Variants in OR3A2 observed in about 807,000 individuals in gnomAD.
The protein encoded by OR3A2 is olfactory receptor 3A2.
For missense variants in OR3A2, 318 were observed against 392.8 expected (o/e 0.81, Z 1.61); for synonymous variants, 126 against 159.3 (o/e 0.79, Z 1.57).
At chr17:3,297,614 T>C (rs2048929929) in intron 3 of OR3A2, among the ~76,000 whole-genome samples, 1 of 151,666 alleles carries the variant, frequency 6.6e-6, no homozygotes, top group Non-Finnish European at 1.5e-5. Context: ...ACACGGACAT[T>C]TCTCTATAGA....
intron 2 of OR3A2, among the ~76,000 whole-genome samples, chr17:3,371,065 CT>C (rs1014945698): frequency 7.1e-4 from 108 of 152,074 alleles, no homozygotes; most frequent in African/African-American, 2.4e-3. Flanking sequence ...TTTTCCCCAC[CT>C]TTCCCCCCTT....
At chr17:3,364,483 C>T (rs558981276) in intron 2 of OR3A2, among the ~76,000 whole-genome samples, 1 of 152,284 alleles carries the variant, frequency 6.6e-6, no homozygotes, top group Admixed American at 6.5e-5. Context: ...GACCAATGCC[C>T]CCCATCCCTG....
At chr17:3,330,358 T>C (rs2049219952) in intron 3 of OR3A2, among the ~76,000 whole-genome samples, 1 of 150,126 alleles carries the variant, frequency 6.7e-6, no homozygotes, top group Non-Finnish European at 1.5e-5. Context: ...AGTCTCTTTG[T>C]AGGTCACTCA....
At chr17:3,362,349 C>A (rs1027050935) in intron 2 of OR3A2, among the ~76,000 whole-genome samples, 1 of 151,112 alleles carries the variant, frequency 6.6e-6, no homozygotes, top group Non-Finnish European at 1.5e-5. Context: ...CAATTTTGTT[C>A]ATCTTTTCAA....
chr17:3,296,075 C>T (rs986474192), intron 3 of OR3A2, among the ~76,000 whole-genome samples: 1 of 151,890 alleles, frequency 6.6e-6, no homozygotes, highest in African/African-American at 2.4e-5. Context: ...CTTAAAGTGC[C>T]CATGAAACAT....
intron 3 of OR3A2, among the ~76,000 whole-genome samples, chr17:3,296,377 CACA>C (rs1489320815): frequency 2.6e-5 from 4 of 151,810 alleles, no homozygotes; most frequent in Non-Finnish European, 4.4e-5. Context: ...TGAGTATATC[CACA>C]ACAACGAAAG....
Position 3,292,056 on chromosome 17 carries a change from A to T in OR3A2, c.-84-12903T>A, listed in dbSNP as rs756585726. The T allele has an allele frequency of 1.8e-5, 29 of 1,614,098 alleles. No homozygotes were observed. Among genetic ancestry groups the T allele is most frequent in the Non-Finnish European group, 2.3e-5 (27 of 1,180,040 alleles). On this transcript the variant is annotated intron_variant, in intron 3 of 4. Coordinates refer to the OR3A2 transcript ENST00000573491. ...GAGGTCACAGTAGAAGTGATTGATC[A>T]CATTGGGGCCACAGAAGTTGAGCGT...
At chr17:3,379,713 T>C (rs1597366491) in intron 2 of OR3A2, among the ~76,000 whole-genome samples, 1 of 152,206 alleles carries the variant, frequency 6.6e-6, no homozygotes, top group East Asian at 1.9e-4. Flanking sequence ...GGGGTGATGG[T>C]TGTAGCTCAG....
At chr17:3,368,402 G>T (rs1219315032) in intron 2 of OR3A2, among the ~76,000 whole-genome samples, 2 of 152,142 alleles carry the variant, frequency 1.3e-5, no homozygotes, top group Non-Finnish European at 2.9e-5. Context: ...ATCTTGAGTA[G>T]ATTTTTGTAT....
chr17:3,345,446 C>CAG (rs1056753543), intron 2 of OR3A2, among the ~76,000 whole-genome samples: 1 of 115,530 alleles, frequency 8.7e-6, no homozygotes, highest in East Asian at 3.4e-4. Flanking sequence ...GAGATAGAGA[C>CAG]AGAGAGAGAG....
intron 3 of OR3A2, among the ~76,000 whole-genome samples, chr17:3,330,777 C>A (rs1047697699): frequency 2.3e-4 from 35 of 151,370 alleles, no homozygotes; most frequent in African/African-American, 8.2e-4. Flanking sequence ...GGTGATTTTG[C>A]TTGTTAGTTG....
intron 2 of OR3A2, among the ~76,000 whole-genome samples, chr17:3,337,289 T>C (rs1367557921): frequency 6.6e-6 from 1 of 152,228 alleles, no homozygotes; most frequent in Admixed American, 6.5e-5. Flanking sequence ...AAAATTATTA[T>C]TGTACTTTAA....
intron 2 of OR3A2, among the ~76,000 whole-genome samples, chr17:3,357,598 C>G (rs1206171131): frequency 2.6e-5 from 4 of 151,448 alleles, no homozygotes; most frequent in African/African-American, 7.3e-5. Context: ...TACAGAGTTT[C>G]AATTGGGGAG....
At chr17:3,366,905 G>A (rs2049569085) in intron 2 of OR3A2, among the ~76,000 whole-genome samples, 1 of 152,134 alleles carries the variant, frequency 6.6e-6, no homozygotes, top group Non-Finnish European at 1.5e-5. Context: ...AATGTTCCTT[G>A]TCATCTCATT....
chr17:3,348,005 G>A (rs923911133), intron 2 of OR3A2, among the ~76,000 whole-genome samples: 2 of 152,166 alleles, frequency 1.3e-5, no homozygotes, highest in Non-Finnish European at 2.9e-5. Context: ...GTGATGGTGA[G>A]CATTTTTTCA....
At chr17:3,384,388 G>A (rs531899840) in intron 1 of OR3A2, among the ~76,000 whole-genome samples, 3 of 152,230 alleles carry the variant, frequency 2.0e-5, no homozygotes, top group South Asian at 2.1e-4. Context: ...TGTCATGTGC[G>A]GATGTTTTAC....
At chr17:3,324,686 C>T (rs562740428) in intron 3 of OR3A2, among the ~76,000 whole-genome samples, 7 of 152,164 alleles carry the variant, frequency 4.6e-5, no homozygotes, top group East Asian at 1.9e-4. Context: ...TTTGGTGAAC[C>T]GCAAATGCTG....
intron 3 of OR3A2, among the ~76,000 whole-genome samples, chr17:3,325,805 T>G (rs1357158567): frequency 6.6e-6 from 1 of 152,076 alleles, no homozygotes; most frequent in Non-Finnish European, 1.5e-5. Context: ...TCACTTTAAG[T>G]TCCAGGGTAT....
rs141220472 is a variant in OR3A2 at position 3,362,583 on chromosome 17, C to G, written c.-179+21221G>C. ...GCTATAAATTTCCCTCTACACACTGCTTTAAATGTGTACCACAGATTCTGG... is the reference window on the plus strand; with the variant it reads ...GCTATAAATTTCCCTCTACACACTGGTTTAAATGTGTACCACAGATTCTGG... On this transcript the variant is annotated intron_variant, in intron 2 of 4. Coordinates refer to the OR3A2 transcript ENST00000573491. 2.5e-3 allele frequency among the ~76,000 whole-genome samples: 373 copies of G among 151,710 alleles called. 15 individuals are homozygous for G. The highest frequency in any genetic ancestry group is 0.017 in the Middle Eastern group (5 of 294).
Sources: gnomAD v4.1 joint callset for allele counts (sites outside exome capture counted in the v4.1 genomes callset) on GRCh38, gnomAD v4.1.1 for gene constraint, MANE v1.5 for transcripts, NCBI Gene and HGNC (gene_info 2026-07-23, HGNC 2026-07-21) for gene names.